LRRC7: variants seen among roughly 807,000 people sequenced by gnomAD.
LRRC7 encodes the protein leucine rich repeat containing 7.
LRRC7 carries 23 observed loss-of-function variants against 175.7 expected under a neutral mutation model. The ratio of observed to expected loss-of-function variants is 0.13; its 90% confidence interval spans 0.09 to 0.19. LRRC7 has a LOEUF of 0.19. Ranked by LOEUF, LRRC7 falls within the 10% of genes least tolerant of loss-of-function variation. The pLI is 1.00. For missense variants in LRRC7, 1,354 were observed against 1,904.7 expected (o/e 0.71, Z 5.38); for synonymous variants, 685 against 680.9 (o/e 1.01, Z -0.09).
At chr1:69,952,920 A>G (rs1212344589) in intron 8 of LRRC7, among the ~76,000 whole-genome samples, 3 of 150,996 alleles carry the variant, frequency 2.0e-5, no homozygotes, top group African/African-American at 7.3e-5. Flanking sequence ...GCATTGCACT[A>G]CATTCCAGAG....
chr1:69,935,597 T>C (rs949414925), intron 8 of LRRC7, among the ~76,000 whole-genome samples: 29 of 152,288 alleles, frequency 1.9e-4, no homozygotes, highest in Non-Finnish European at 3.5e-4. Context: ...TTTTTTCATA[T>C]GTTTGTGGCA....
At chr1:69,848,375 C>A (rs2101441091) in intron 7 of LRRC7, among the ~76,000 whole-genome samples, 1 of 152,142 alleles carries the variant, frequency 6.6e-6, no homozygotes, top group South Asian at 2.1e-4. Context: ...GGACACATAA[C>A]AGGTATTGAG....
chr1:69,975,433 C>G (rs1652714537), intron 8 of LRRC7, among the ~76,000 whole-genome samples: 2 of 152,154 alleles, frequency 1.3e-5, no homozygotes, highest in African/African-American at 4.8e-5. Context: ...TTTCCTTCTT[C>G]CACTTCTGTC....
intron 1 of LRRC7, among the ~76,000 whole-genome samples, chr1:69,610,770 A>T (rs993577305): frequency 2.6e-5 from 4 of 151,966 alleles, no homozygotes; most frequent in Non-Finnish European, 5.9e-5. Context: ...CAGGGCAAAA[A>T]TATTTCACAA....
At chr1:69,637,080 T>C (rs1749468) in intron 1 of LRRC7, among the ~76,000 whole-genome samples, 173 of 148,536 alleles carry the variant, frequency 1.2e-3, no homozygotes, top group South Asian at 4.3e-3. Flanking sequence ...CCTTCTCTCT[T>C]TCTCTCTCTC....
At chr1:69,773,533 G>A in intron 3 of LRRC7, among the ~76,000 whole-genome samples, 1 of 152,142 alleles carries the variant, frequency 6.6e-6, no homozygotes, top group Non-Finnish European at 1.5e-5. Flanking sequence ...AGGAATTAAG[G>A]GCCTTAAATG....
At chr1:69,668,588 T>C (rs1214381027) in intron 1 of LRRC7, among the ~76,000 whole-genome samples, 1 of 152,232 alleles carries the variant, frequency 6.6e-6, no homozygotes, top group African/African-American at 2.4e-5. Context: ...CTATTGTGAA[T>C]AGTGCTGCAA....
At chr1:70,099,928 T>C (rs1664692028) in intron 25 of LRRC7, among the ~76,000 whole-genome samples, 1 of 152,150 alleles carries the variant, frequency 6.6e-6, no homozygotes, top group Non-Finnish European at 1.5e-5. Flanking sequence ...ATATTTCTTT[T>C]ATTTTTTCCT....
chr1:69,580,731 G>A (rs540793505), intron 1 of LRRC7, among the ~76,000 whole-genome samples: 65 of 152,198 alleles, frequency 4.3e-4, no homozygotes, highest in Non-Finnish European at 6.8e-4. Flanking sequence ...TGCTAGACAC[G>A]GTTGAGTACA....
chr1:70,015,750 A>C (rs1273165312), intron 13 of LRRC7, among the ~76,000 whole-genome samples: 1 of 152,138 alleles, frequency 6.6e-6, no homozygotes, highest in African/African-American at 2.4e-5. Context: ...TAGAAGTGCT[A>C]ATTTTTTAAA....
chr1:70,027,849 T>C (rs1301793964), intron 17 of LRRC7, among the ~76,000 whole-genome samples: 1 of 152,302 alleles, frequency 6.6e-6, no homozygotes, highest in East Asian at 1.9e-4. Context: ...AGAAAACAGC[T>C]GCTATAACTT....
At chr1:69,939,458 G>A (rs943560054) in intron 8 of LRRC7, among the ~76,000 whole-genome samples, 2 of 151,908 alleles carry the variant, frequency 1.3e-5, no homozygotes, top group African/African-American at 4.8e-5. Context: ...GAAGCCAAAC[G>A]TAAATAAAAA....
chr1:69,670,256 G>A lies in LRRC7; in HGVS notation c.3-8125G>A, dbSNP rs376143888. On this transcript the variant is annotated intron_variant, in intron 1 of 26. Transcript: ENST00000651989. ...TTTCAAGGTATTCAAAAGGACATGG[G>A]TGTTGTAATTTAAGCCGTATCTGCA... 7.9e-5 allele frequency among the ~76,000 whole-genome samples: 12 copies of A among 152,282 alleles called. No homozygotes were observed. The South Asian group carries it at 2.3e-3, about 29-fold the overall frequency.
intron 23 of LRRC7, among the ~76,000 whole-genome samples, chr1:70,075,704 C>T (rs1399431383): frequency 6.6e-6 from 1 of 152,158 alleles, no homozygotes; most frequent in African/African-American, 2.4e-5. Context: ...CATATATTAA[C>T]ATCTCTCTGT....
intron 1 of LRRC7, among the ~76,000 whole-genome samples, chr1:69,600,249 C>T (rs1228258059): frequency 6.6e-6 from 1 of 152,016 alleles, no homozygotes; most frequent in African/African-American, 2.4e-5. Context: ...AACTAAAGTC[C>T]ATATTTTATT....
intron 7 of LRRC7, among the ~76,000 whole-genome samples, chr1:69,925,245 A>G (rs1446207781): frequency 6.6e-6 from 1 of 152,144 alleles, no homozygotes; most frequent in African/African-American, 2.4e-5. Context: ...CATCAAGGAT[A>G]TTGGTCTGTA....
intron 7 of LRRC7, among the ~76,000 whole-genome samples, chr1:69,842,945 T>A (rs1487789454): frequency 6.6e-6 from 1 of 152,078 alleles, no homozygotes; most frequent in African/African-American, 2.4e-5. Context: ...ACATCTGTAA[T>A]CCCAGCACTT....
intron 11 of LRRC7, among the ~76,000 whole-genome samples, chr1:70,009,151 A>G (rs1179414370): frequency 6.6e-6 from 1 of 152,162 alleles, no homozygotes; most frequent in Non-Finnish European, 1.5e-5. Context: ...TATTATTTTC[A>G]TTAAATACCT....
chr1:69,771,024 A>T (rs534087378), intron 3 of LRRC7, among the ~76,000 whole-genome samples: 3 of 152,196 alleles, frequency 2.0e-5, no homozygotes, highest in African/African-American at 7.2e-5. Flanking sequence ...CGCCAAATGT[A>T]TACAATTTTT....
Sources: allele counts gnomAD v4.1 joint callset (sites outside exome capture counted in the v4.1 genomes callset), GRCh38; gene constraint gnomAD v4.1.1; transcripts MANE v1.5; gene names NCBI Gene and HGNC (gene_info 2026-07-23, HGNC 2026-07-21).